ANK1: variants seen among roughly 807,000 people sequenced by gnomAD.
ANK1 encodes ankyrin 1, also known as ankyrin-1.
ANK1 carries 51 observed loss-of-function variants against 210.4 expected under a neutral mutation model. That is an observed-to-expected ratio of 0.24 (90% CI 0.19 to 0.31). The LOEUF (loss-of-function observed/expected upper bound fraction) is 0.31. ANK1 is among the 10% of genes least tolerant of loss of function. The pLI is 1.00. For missense variants in ANK1, 2,051 were observed against 2,504.4 expected (o/e 0.82, Z 3.86); for synonymous variants, 967 against 1,025.9 (o/e 0.94, Z 1.10).
chr8:41,739,678 G>A (rs10216783), intron 2 of ANK1, among the ~76,000 whole-genome samples: 1 of 152,144 alleles, frequency 6.6e-6, no homozygotes, highest in Middle Eastern at 3.4e-3. Flanking sequence ...AGAAGGCTGA[G>A]TCAATCTCAG....
chr8:41,790,740 G>A (rs961705286), intron 1 of ANK1, among the ~76,000 whole-genome samples: 3 of 152,194 alleles, frequency 2.0e-5, no homozygotes, highest in African/African-American at 7.2e-5. Flanking sequence ...AGAATTTAAG[G>A]AATAATCTCT....
chr8:41,661,753 G>T, intron 41 of ANK1, 123 bp downstream of exon 41: 1 of 1,609,894 alleles, frequency 6.2e-7, no homozygotes, highest in Non-Finnish European at 8.5e-7. Context: ...GCAGAGCAAG[G>T]CAGCAGTGAT....
At chr8:41,660,341 G>A (rs565491) in intron 42 of ANK1, 118,410 of 439,526 alleles carry the variant, frequency 0.27, 16,558 homozygotes, top group East Asian at 0.46. Context: ...CTTGCTGCTC[G>A]GTCCCAGAGT....
intron 2 of ANK1, among the ~76,000 whole-genome samples, 165 bp downstream of exon 2, chr8:41,757,871 C>T (rs1484197877): frequency 6.6e-6 from 1 of 152,228 alleles, no homozygotes; most frequent in Non-Finnish European, 1.5e-5. Context: ...TGGGCCACGG[C>T]AGGAGTGGAA....
intron 21 of ANK1, 113 bp from the exon 22 acceptor site, chr8:41,701,735 AGACG>A: frequency 8.9e-7 from 1 of 1,123,002 alleles, no homozygotes; most frequent in Non-Finnish European, 1.3e-6. Context: ...GAAGAAAAAC[AGACG>A]GAGGAGGCGC....
At chr8:41,686,376 G>T in intron 35 of ANK1, 93 bp from the exon 36 acceptor site, 2 of 1,542,388 alleles carry the variant, frequency 1.3e-6, no homozygotes, top group Non-Finnish European at 1.8e-6. Context: ...CTGGGGCGTG[G>T]GGGGACCCAG....
chr8:41,715,550 C>G (rs945093848), intron 14 of ANK1, 102 bp downstream of exon 14: 1 of 1,434,382 alleles, frequency 7.0e-7, no homozygotes, highest in Non-Finnish European at 9.6e-7. Flanking sequence ...CTTGCAGCAT[C>G]ATTGAGGTGA....
At chr8:41,797,817 G>A (rs757295960), upstream of ANK1, among the ~76,000 whole-genome samples, 4 of 151,998 alleles carry the variant, frequency 2.6e-5, no homozygotes, top group African/African-American at 4.8e-5. This position sits in a 1 kb window ranked among gnomAD's most constrained non-coding sequence, Gnocchi z 4.0. Flanking sequence ...CGGACCCCTG[G>A]TTGCCCCGGG....
At chr8:41,819,149 C>T (rs1057336922) in intron 1 of ANK1, among the ~76,000 whole-genome samples, 10 of 152,220 alleles carry the variant, frequency 6.6e-5, no homozygotes, top group African/African-American at 2.4e-4. Context: ...CTCTCCACAG[C>T]AGAGAGCTTT....
intron 20 of ANK1, 124 bp from the exon 21 acceptor site, chr8:41,702,268 C>A: frequency 1.4e-6 from 1 of 729,010 alleles, no homozygotes; most frequent in South Asian, 1.7e-5. Flanking sequence ...GGACAGACGT[C>A]ACCGTGGGGC....
At chr8:41,735,558 G>A (rs1049648344) in intron 2 of ANK1, among the ~76,000 whole-genome samples, 5 of 152,034 alleles carry the variant, frequency 3.3e-5, no homozygotes, top group Non-Finnish European at 5.9e-5. Flanking sequence ...TCTGATGTGC[G>A]GGGTCCCTGA....
At chr8:41,693,808 GC>G in intron 29 of ANK1, 89 bp downstream of exon 29, 7 of 1,422,168 alleles carry the variant, frequency 4.9e-6, no homozygotes, top group Non-Finnish European at 6.8e-6. Flanking sequence ...TAAGGGGATT[GC>G]TGGCCTCGCC....
intron 17 of ANK1, among the ~76,000 whole-genome samples, chr8:41,707,756 C>T (rs1037421546): frequency 4.6e-5 from 7 of 152,144 alleles, no homozygotes; most frequent in South Asian, 2.1e-4. Flanking sequence ...CAGAATGGTT[C>T]GCTCATTGGG....
At chr8:41,893,115 C>T (rs149566949) in intron 1 of ANK1, among the ~76,000 whole-genome samples, 2 of 152,262 alleles carry the variant, frequency 1.3e-5, no homozygotes, top group Non-Finnish European at 2.9e-5. Context: ...ATCTTCCTGT[C>T]CTCTTCTCCT....
chr8:41,688,674 T>TCAGCCTTCCACACCCCTGCA, intron 33 of ANK1, 85 bp from the exon 34 acceptor site: 1 of 1,208,878 alleles, frequency 8.3e-7, no homozygotes, highest in Non-Finnish European at 1.2e-6. Context: ...GCTGCAGGGG[T>TCAGCCTTCCACACCCCTGCA]GTGGAAGGCT....
upstream of ANK1, among the ~76,000 whole-genome samples, chr8:41,800,879 T>TA (rs1321416325): frequency 2.0e-5 from 3 of 151,954 alleles, no homozygotes; most frequent in Non-Finnish European, 4.4e-5. Context: ...CATGCCCAGC[T>TA]AATTTTTGTA....
At position 41,863,287 on chromosome 8, in the gene ANK1, A is replaced by G. The variant is rs548534128; in HGVS notation, c.126+33068T>C. On this transcript the variant is annotated intron_variant, in intron 1 of 42. Coordinates refer to the ANK1 transcript ENST00000265709. ...GGCAGGAGAATGGCGTGAACCCAGG[A>G]GGCAGAGTTTGCAGTGAGCCGAGAT... Among the ~76,000 whole-genome samples the G allele has an allele frequency of 3.3e-5, 5 of 152,052 alleles. No individual in the cohort carries two copies. In the South Asian group the frequency reaches 1.0e-3, roughly 32 times the overall value.
At chr8:41,890,604 G>A (rs1401531465) in intron 1 of ANK1, among the ~76,000 whole-genome samples, 2 of 151,880 alleles carry the variant, frequency 1.3e-5, no homozygotes, top group East Asian at 1.9e-4. Flanking sequence ...AGCTACTCTG[G>A]AGGCTGAGGC....
intron 1 of ANK1, among the ~76,000 whole-genome samples, chr8:41,780,049 T>A (rs374516062): frequency 1.8e-4 from 28 of 152,122 alleles, no homozygotes; most frequent in African/African-American, 6.8e-4. Context: ...TAACTCTAAT[T>A]AGTATTTTGC....
Sources: allele counts gnomAD v4.1 joint callset (sites outside exome capture counted in the v4.1 genomes callset), GRCh38; gene constraint gnomAD v4.1.1; non-coding constraint Gnocchi (gnomAD v3.1); transcripts MANE v1.5; gene names NCBI Gene and HGNC (gene_info 2026-07-23, HGNC 2026-07-21).